Variants in CAST observed in about 807,000 individuals in gnomAD.
The protein encoded by CAST is MIR583 host.
CAST carries 76 observed loss-of-function variants against 119.6 expected under a neutral mutation model. The observed-to-expected ratio is 0.64, with a 90% CI of 0.53 to 0.77. The LOEUF is 0.77. Among genes scored for constraint, CAST ranks in the 30% least tolerant of loss-of-function variants. CAST has a pLI of 0.00. For missense variants in CAST, 953 were observed against 946.5 expected, an observed-to-expected ratio of 1.01 and a Z score of -0.09; for synonymous variants, 319 against 331.6, an observed-to-expected ratio of 0.96 and a Z score of 0.41.
the CAST span, among the ~76,000 whole-genome samples, chr5:96,011,002 T>C: frequency 1.3e-5 from 2 of 152,196 alleles, no homozygotes; most frequent in Non-Finnish European, 2.9e-5. Context: ...AGCCCTTTGC[T>C]GGAGTTTTAA....
At chr5:96,405,002 T>C in the CAST span, among the ~76,000 whole-genome samples, 2 of 152,172 alleles carry the variant, frequency 1.3e-5, no homozygotes, top group Non-Finnish European at 2.9e-5. Context: ...GGATGGCACA[T>C]GATTAAATGA....
the CAST span, among the ~76,000 whole-genome samples, chr5:96,159,046 G>A: frequency 6.6e-6 from 1 of 152,168 alleles, no homozygotes; most frequent in Non-Finnish European, 1.5e-5. Context: ...AAAGGCAGAA[G>A]TCTAGGAGCC....
intron 1 of CAST, among the ~76,000 whole-genome samples, chr5:96,553,908 CACAA>C (rs1269574258): frequency 6.6e-6 from 1 of 152,092 alleles, no homozygotes; most frequent in Admixed American, 6.6e-5. Context: ...TAAGAGAGGA[CACAA>C]ACAAATGGAA....
chr5:96,343,101 A>T, the CAST span, among the ~76,000 whole-genome samples: 1 of 152,218 alleles, frequency 6.6e-6, no homozygotes, highest in Non-Finnish European at 1.5e-5. Context: ...ATTTTAAAAT[A>T]GCAACATGTA....
the CAST span, among the ~76,000 whole-genome samples, chr5:96,108,942 G>T: frequency 1.3e-5 from 2 of 152,252 alleles, no homozygotes; most frequent in Non-Finnish European, 2.9e-5. Flanking sequence ...CGTTTTTTAA[G>T]CCCATCGGAA....
the CAST span, among the ~76,000 whole-genome samples, chr5:96,020,302 A>G: frequency 2.0e-5 from 3 of 152,246 alleles, no homozygotes; most frequent in Non-Finnish European, 4.4e-5. Context: ...AGAGCAAAGC[A>G]GAACAAATGC....
chr5:96,089,609 A>G, the CAST span, among the ~76,000 whole-genome samples: 12 of 152,206 alleles, frequency 7.9e-5, no homozygotes, highest in African/African-American at 2.9e-4. Flanking sequence ...GGGGAAGACC[A>G]ATACTGCCAT....
At chr5:96,282,627 T>C in the CAST span, among the ~76,000 whole-genome samples, 1 of 152,202 alleles carries the variant, frequency 6.6e-6, no homozygotes, top group Non-Finnish European at 1.5e-5. Flanking sequence ...ATAAACACCA[T>C]AATTTTACCA....
intron 1 of CAST, among the ~76,000 whole-genome samples, chr5:96,583,495 CA>C (rs751286316): frequency 6.6e-6 from 1 of 152,060 alleles, no homozygotes; most frequent in Non-Finnish European, 1.5e-5. Context: ...AACATGGGCA[CA>C]ATTTCGAAGT....
chr5:96,664,065 A>G (rs1405363984), intron 1 of CAST, among the ~76,000 whole-genome samples: 5 of 152,002 alleles, frequency 3.3e-5, no homozygotes, highest in Non-Finnish European at 5.9e-5. Context: ...GGCATGTGGT[A>G]TTGGAAAAAG....
intron 1 of CAST, among the ~76,000 whole-genome samples, chr5:96,561,575 T>G: frequency 6.8e-6 from 1 of 147,094 alleles, no homozygotes; most frequent in Non-Finnish European, 1.5e-5. Context: ...GGTGGGGAGG[T>G]AGGGGAGGGA....
chr5:96,139,542 GTATA>G, the CAST span, among the ~76,000 whole-genome samples: 1 of 90,852 alleles, frequency 1.1e-5, no homozygotes, highest in African/African-American at 5.1e-5. Flanking sequence ...ATATATATAT[GTATA>G]TGTATATATA....
rs117426127 is a variant in CAST, at chr5:96,637,009, G to T, written c.61-38530G>T. ...GGAATAGATCACAGTCCCCCCTCTG[G>T]GGTTCCCTCTCTGCCTCTCCATGTG... On this transcript the variant is annotated intron_variant, in intron 1 of 11. Transcript: ENST00000505143. Among the ~76,000 whole-genome samples the T allele has an allele frequency of 3.8e-4, 58 of 152,262 alleles. 1 individual carries two copies. In the East Asian group the frequency reaches 4.6e-3, roughly 12 times the overall value.
chr5:96,652,252 T>C (rs1475241212), intron 1 of CAST, among the ~76,000 whole-genome samples: 1 of 152,214 alleles, frequency 6.6e-6, no homozygotes, highest in Non-Finnish European at 1.5e-5. Flanking sequence ...TAGGTTGTAA[T>C]AATTGGCTTT....
chr5:96,037,355 G>T, the CAST span, among the ~76,000 whole-genome samples: 2 of 152,116 alleles, frequency 1.3e-5, no homozygotes, highest in Non-Finnish European at 2.9e-5. Context: ...ATGACTAATT[G>T]TTAGGCAAGC....
At chr5:96,129,194 T>C in the CAST span, among the ~76,000 whole-genome samples, 149 of 152,280 alleles carry the variant, frequency 9.8e-4, no homozygotes, top group African/African-American at 3.3e-3. Context: ...CTAGACCAGA[T>C]ATACTGTGCA....
the CAST span, among the ~76,000 whole-genome samples, chr5:96,375,918 T>A: frequency 1.4e-5 from 2 of 147,444 alleles, no homozygotes; most frequent in African/African-American, 4.9e-5. Context: ...TATATAAATA[T>A]ATAAATATAA....
At chr5:96,221,841 C>T in the CAST span, among the ~76,000 whole-genome samples, 2 of 151,850 alleles carry the variant, frequency 1.3e-5, no homozygotes, top group African/African-American at 4.8e-5. Context: ...GGTAACACAC[C>T]ACCTGACTTC....
chr5:96,238,366 C>CATCTT, the CAST span, among the ~76,000 whole-genome samples: 252 of 23,188 alleles, frequency 0.011, 4 homozygotes, highest in African/African-American at 0.025. Context: ...TTCTTCTTCT[C>CATCTT]CTTCTTCTCC....
Sources: allele counts gnomAD v4.1 joint callset (sites outside exome capture counted in the v4.1 genomes callset), GRCh38; gene constraint gnomAD v4.1.1; transcripts MANE v1.5; gene names NCBI Gene and HGNC (gene_info 2026-07-23, HGNC 2026-07-21).